Variants in ZFX observed in about 807,000 individuals in gnomAD.
ZFX encodes zinc finger protein X-linked.
For missense variants in ZFX, 362 were observed against 628.3 expected, an observed-to-expected ratio of 0.58 and a Z score of 4.53; for synonymous variants, 196 against 226.8, an observed-to-expected ratio of 0.86 and a Z score of 1.22.
At chrX:24,196,822 C>T (rs1936956904) in intron 5 of ZFX, among the ~76,000 whole-genome samples, 1 of 111,568 alleles carries the variant, frequency 9.0e-6, no homozygotes, top group African/African-American at 3.3e-5. Flanking sequence ...TCTCAAACTT[C>T]TCGCTTAAGT....
chrX:24,211,511 TGA>T lies in ZFX; in HGVS notation c.*136_*137del. 1.2e-6 allele frequency: 1 copy of T among 807,297 alleles called. No individual in the cohort carries two copies. Among genetic ancestry groups the T allele is most frequent in the Non-Finnish European group, 1.7e-6 (1 of 577,634 alleles). 66.5% of individuals were successfully genotyped at this position (807,297 alleles called of 1,213,427 possible). On this transcript the variant is annotated 3_prime_UTR_variant, in exon 10 of 10. Transcript: ENST00000304543. The stretch of plus-strand genomic sequence containing the variant: ...TACAAATAGAATTATTACTTCTAGT[TGA>T]CTTTTTTTTAAATATACATTTTGCT...
chrX:24,173,876 G>A (rs752973377), intron 4 of ZFX, among the ~76,000 whole-genome samples: 1 of 108,652 alleles, frequency 9.2e-6, no homozygotes, highest in Non-Finnish European at 1.9e-5. Context: ...GATTACAGGC[G>A]TGAGCCACCA....
intron 9 of ZFX, among the ~76,000 whole-genome samples, chrX:24,209,344 A>G (rs1937873967): frequency 8.9e-6 from 1 of 112,395 alleles, no homozygotes; most frequent in Non-Finnish European, 1.9e-5. Context: ...AAATAAATTA[A>G]TACATTTAGA....
rs185008804 is a variant in ZFX at position 24,169,873 on chromosome X, T to A, written c.-28-2842T>A. Among the ~76,000 whole-genome samples the A allele has an allele frequency of 4.6e-4, 50 of 109,630 alleles. No homozygotes were observed. In the East Asian group the frequency reaches 9.5e-3, roughly 21 times the overall value. The stretch of plus-strand genomic sequence containing the variant: ...GCCGCAGTAAGGGGTGAGGGGAGGG[T>A]GAGCAGCCAGCAGTTAAGAAGAGGG... On this transcript the variant is annotated intron_variant, in intron 3 of 9. Coordinates refer to ENST00000304543, the MANE Select transcript of ZFX (RefSeq NM_003410.4).
chrX:24,212,217 G>C lies in ZFX; in HGVS notation c.*841G>C, dbSNP rs1418203579. The C allele has an allele frequency of 8.9e-6, 1 of 111,906 alleles. No homozygotes were observed. The highest frequency in any genetic ancestry group is 1.9e-5 in the Non-Finnish European group (1 of 53,192). 9.2% of individuals were successfully genotyped at this position (111,906 alleles called of 1,213,427 possible). A position where few individuals can be genotyped will look rare whatever the true frequency, so the allele number is the denominator to read the frequency against. On this transcript the variant is annotated 3_prime_UTR_variant, in exon 10 of 10. Transcript: ENST00000304543. ...TAGGATCTTTTGCAACTTTATGTAT[G>C]TAAATGTACCCTGAATTATATATAT...
intron 1 of ZFX, 92 bp from the exon 2 acceptor site, chrX:24,151,599 A>G (rs772957253): frequency 8.9e-6 from 1 of 111,927 alleles, no homozygotes; most frequent in African/African-American, 3.3e-5. Flanking sequence ...CTTATACTCA[A>G]TGGGGTAGGC....
intron 3 of ZFX, among the ~76,000 whole-genome samples, chrX:24,160,252 A>G (rs867254633): frequency 1.9e-5 from 2 of 105,209 alleles, no homozygotes; most frequent in South Asian, 4.0e-4. Flanking sequence ...AAACTATAAA[A>G]TTTTCTCTAG....
intron 5 of ZFX, among the ~76,000 whole-genome samples, chrX:24,186,827 G>GT (rs1408221600): frequency 9.0e-6 from 1 of 111,367 alleles, no homozygotes; most frequent in Non-Finnish European, 1.9e-5. Context: ...TTAATTATAT[G>GT]TTTCTTGAGG....
intron 3 of ZFX, among the ~76,000 whole-genome samples, chrX:24,168,477 A>T (rs1406840021): frequency 9.1e-6 from 1 of 110,142 alleles, no homozygotes; most frequent in African/African-American, 3.4e-5. Context: ...TATATCTGTG[A>T]TCCCTAATTT....
chrX:24,189,704 G>GT (rs1028911514), intron 5 of ZFX, among the ~76,000 whole-genome samples: 3 of 107,770 alleles, frequency 2.8e-5, no homozygotes, highest in African/African-American at 1.0e-4. Flanking sequence ...TACCCTACCA[G>GT]TTTTTTTAAA....
chrX:24,166,972 A>G (rs2147415764), intron 3 of ZFX, among the ~76,000 whole-genome samples: 1 of 112,165 alleles, frequency 8.9e-6, no homozygotes, highest in South Asian at 3.7e-4. Context: ...GCACTTGGAG[A>G]TAGAACAAGC....
intron 5 of ZFX, among the ~76,000 whole-genome samples, chrX:24,193,387 C>T (rs1166001044): frequency 2.7e-5 from 3 of 111,973 alleles, no homozygotes; most frequent in Non-Finnish European, 5.6e-5. Flanking sequence ...CTAGAAGAGG[C>T]AGAGCCATAG....
At chrX:24,195,302 C>G (rs749635459) in intron 5 of ZFX, among the ~76,000 whole-genome samples, 1 of 108,407 alleles carries the variant, frequency 9.2e-6, no homozygotes, top group Non-Finnish European at 1.9e-5. Flanking sequence ...AAGCAATTGT[C>G]CCTGCCTCAG....
chrX:24,178,032 C>T (rs1406237725), intron 4 of ZFX, among the ~76,000 whole-genome samples: 4 of 107,534 alleles, frequency 3.7e-5, no homozygotes, highest in African/African-American at 1.0e-4. Context: ...CACGGGTTCA[C>T]GCCATTCTCC....
chrX:24,172,646 A>G (rs533951429), intron 3 of ZFX, 69 bp from the exon 4 acceptor site: 21 of 789,757 alleles, frequency 2.7e-5, no homozygotes, highest in East Asian at 3.5e-5. Context: ...AAATGAAACT[A>G]TCATGATGGC....
rs376359772 is a variant in ZFX, at chrX:24,209,178, T to C, written c.1234+138T>C. 38 of 924,232 alleles carry C rather than the reference T, an allele frequency of 4.1e-5. No homozygotes were observed. The African/African-American group carries it at 7.4e-4, about 18-fold the overall frequency. The allele number at this position is 924,232 out of a possible 1,213,427, so 76.2% of individuals were successfully genotyped here. ...GCTTTGTCTATTGAACTTGAAAATA[T>C]AATTTTCAGAATTCAGTGATATTCA... On this transcript the variant is annotated intron_variant, in intron 9 of 9. Transcript: ENST00000304543.
chrX:24,158,367 AAAAAC>A (rs1347016252), intron 3 of ZFX, among the ~76,000 whole-genome samples: 1 of 111,182 alleles, frequency 9.0e-6, no homozygotes, highest in African/African-American at 3.3e-5. Flanking sequence ...AAAACAAACC[AAAAAC>A]AAAAAAACAC....
intron 5 of ZFX, among the ~76,000 whole-genome samples, chrX:24,202,232 C>T: frequency 8.9e-6 from 1 of 112,023 alleles, no homozygotes; most frequent in Non-Finnish European, 1.9e-5. Context: ...TCATCATGTG[C>T]TCTGGCTTCA....
chrX:24,209,135 G>A, intron 9 of ZFX, 95 bp downstream of exon 9: 7 of 1,142,608 alleles, frequency 6.1e-6, no homozygotes, highest in Non-Finnish European at 8.3e-6. Context: ...TGGCATTTTA[G>A]CTGCTAGACC....
Sources: allele counts gnomAD v4.1 joint callset (sites outside exome capture counted in the v4.1 genomes callset), GRCh38; gene constraint gnomAD v4.1.1; transcripts MANE v1.5; gene names NCBI Gene and HGNC (gene_info 2026-07-23, HGNC 2026-07-21).